The following HNRNPC variants were observed in gnomAD, a reference collection of about 807,000 sequenced individuals.
The protein encoded by HNRNPC is heterogeneous nuclear ribonucleoproteins C1/C2.
HNRNPC carries 3 observed loss-of-function variants against 33.2 expected under a neutral mutation model. The observed-to-expected ratio is 0.09, with a 90% CI of 0.04 to 0.23. The LOEUF (loss-of-function observed/expected upper bound fraction) is 0.23, where lower values mean the gene tolerates loss of function less well. Among genes scored for constraint, HNRNPC ranks in the 10% least tolerant of loss-of-function variants. The pLI, the probability that HNRNPC is intolerant of heterozygous loss-of-function variation, is 1.00. For missense variants in HNRNPC, 143 were observed against 366.7 expected (o/e 0.39, Z 4.98); for synonymous variants, 121 against 126.7 (o/e 0.96, Z 0.30).
intron 3 of HNRNPC, among the ~76,000 whole-genome samples, chr14:21,233,593 C>A (rs865829811): frequency 1.3e-5 from 2 of 152,202 alleles, no homozygotes; most frequent in Admixed American, 6.5e-5. Flanking sequence ...GTCGGCCCAA[C>A]GGATGGAGTG....
At chr14:21,235,792 T>G (rs1407946899) in intron 2 of HNRNPC, among the ~76,000 whole-genome samples, 2 of 152,172 alleles carry the variant, frequency 1.3e-5, no homozygotes, top group Non-Finnish European at 2.9e-5. Context: ...AATCTGGTTT[T>G]AAGCAACTAT....
Position 21,211,825 on chromosome 14 carries a change from G to T in HNRNPC, c.622C>A (p.Gln208Lys). The change falls in exon 7 of 9, where the codon CAG (glutamine) becomes AAG (lysine). Residue 208 changes from glutamine to lysine, a missense_variant. This residue lies in a region of HNRNPC where 131 missense variants were observed against 253.0 expected (regional missense o/e 0.52). Transcript: ENST00000553300. Reference sequence around the variant, plus strand: ...ACCCATTTACCTGCTTGTTTGCTCTGTTCCTTTTCAATTTTTTCCAGGTTT... The same window carrying T: ...ACCCATTTACCTGCTTGTTTGCTCTTTTCCTTTTCAATTTTTTCCAGGTTT... ...LENLEKIEKE[Q>K]SKQAVEMKND... The T allele has an allele frequency of 6.2e-7, 1 of 1,612,218 alleles. No individual in the cohort carries two copies. Among genetic ancestry groups the T allele is most frequent in the Non-Finnish European group, 8.5e-7 (1 of 1,179,724 alleles).
chr14:21,234,739 G>C (rs1894488434), intron 2 of HNRNPC: 1 of 153,170 alleles, frequency 6.5e-6, no homozygotes, highest in Non-Finnish European at 1.5e-5. Flanking sequence ...CCATTCATTA[G>C]CTAGATTAAT....
chr14:21,225,563 A>G (rs1893328944), intron 5 of HNRNPC, among the ~76,000 whole-genome samples: 1 of 152,172 alleles, frequency 6.6e-6, no homozygotes, highest in Non-Finnish European at 1.5e-5. Flanking sequence ...AAAGGTGTCC[A>G]TCCTCAGGCG....
intron 1 of HNRNPC, among the ~76,000 whole-genome samples, chr14:21,266,754 G>A (rs1006162410): frequency 2.0e-5 from 3 of 151,138 alleles, no homozygotes; most frequent in African/African-American, 7.3e-5. Flanking sequence ...AGTACTTGAA[G>A]ACTGAAATAA....
chr14:21,241,915 A>G (rs1217328412), intron 2 of HNRNPC, among the ~76,000 whole-genome samples: 1 of 152,220 alleles, frequency 6.6e-6, no homozygotes, highest in Non-Finnish European at 1.5e-5. Flanking sequence ...GTTAACTGCT[A>G]TGTTTAAGTA....
intron 2 of HNRNPC, among the ~76,000 whole-genome samples, chr14:21,243,110 T>C (rs1195451072): frequency 1.3e-5 from 2 of 151,646 alleles, no homozygotes; most frequent in African/African-American, 4.8e-5. Flanking sequence ...AAAGGAGAGG[T>C]GGGGGGGTGG....
intron 5 of HNRNPC, among the ~76,000 whole-genome samples, chr14:21,217,244 C>G (rs911748716): frequency 6.6e-6 from 1 of 152,160 alleles, no homozygotes; most frequent in Non-Finnish European, 1.5e-5. Flanking sequence ...AATCAACCAG[C>G]AAAATTTTTG....
rs527798825 is a variant in HNRNPC at position 21,227,481 on chromosome 14, C to T, written c.365+2838G>A. ...TGACAATAACATGCAGCAATATATCCGACAGTAACTACTAGTATCGGCTGG... is the reference window on the plus strand; with the variant it reads ...TGACAATAACATGCAGCAATATATCTGACAGTAACTACTAGTATCGGCTGG... On this transcript the variant is annotated intron_variant, in intron 5 of 8. Transcript: ENST00000553300. Among the ~76,000 whole-genome samples the T allele has an allele frequency of 2.0e-3, 310 of 152,270 alleles. 4 individuals are homozygous for T. Among genetic ancestry groups the T allele is most frequent in the Non-Finnish European group, 2.7e-3 (185 of 68,034 alleles).
chr14:21,251,321 T>C (rs1034087368), intron 2 of HNRNPC, among the ~76,000 whole-genome samples: 1 of 147,420 alleles, frequency 6.8e-6, no homozygotes, highest in Non-Finnish European at 1.5e-5. Context: ...AAAGTTTCAA[T>C]TTTATCAGTG....
At chr14:21,257,892 C>G (rs1056603516) in intron 2 of HNRNPC, among the ~76,000 whole-genome samples, 1 of 152,148 alleles carries the variant, frequency 6.6e-6, no homozygotes, top group Non-Finnish European at 1.5e-5. Flanking sequence ...GCTTGCTTCC[C>G]TATTAACAAT....
intron 2 of HNRNPC, among the ~76,000 whole-genome samples, chr14:21,260,260 G>A (rs1361249530): frequency 2.7e-5 from 4 of 149,416 alleles, no homozygotes; most frequent in African/African-American, 5.0e-5. Context: ...CCAGGTACTC[G>A]GGAGGCTGAG....
chr14:21,212,040 G>A, intron 6 of HNRNPC, 117 bp from the exon 7 acceptor site: 1 of 760,774 alleles, frequency 1.3e-6, no homozygotes, highest in Non-Finnish European at 2.2e-6. Context: ...GAGAAACAGA[G>A]CCAGTACAGA....
chr14:21,260,064 G>A (rs1294955175), intron 2 of HNRNPC, among the ~76,000 whole-genome samples: 1 of 146,380 alleles, frequency 6.8e-6, no homozygotes, highest in Non-Finnish European at 1.5e-5. Flanking sequence ...GCCGGGCGTA[G>A]TGGCGGGCGC....
chr14:21,252,764 T>C (rs1896809277), intron 2 of HNRNPC, among the ~76,000 whole-genome samples: 1 of 151,616 alleles, frequency 6.6e-6, no homozygotes, highest in Admixed American at 6.6e-5. Context: ...GGGAAGGGGG[T>C]GGATGGGGAG....
intron 2 of HNRNPC, among the ~76,000 whole-genome samples, chr14:21,248,815 GT>G (rs1896290456): frequency 6.6e-6 from 1 of 152,152 alleles, no homozygotes; most frequent in Non-Finnish European, 1.5e-5. Context: ...TACATCAAAA[GT>G]TTTAAAACTG....
At chr14:21,240,084 CTG>C (rs371321447) in intron 2 of HNRNPC, among the ~76,000 whole-genome samples, 19 of 152,178 alleles carry the variant, frequency 1.2e-4, no homozygotes, top group African/African-American at 3.6e-4. Context: ...GCCCAAAAAT[CTG>C]TGTTTTTGTC....
chr14:21,219,108 CAAAA>C (rs555837563), intron 5 of HNRNPC, among the ~76,000 whole-genome samples: 2 of 96,388 alleles, frequency 2.1e-5, no homozygotes, highest in Non-Finnish European at 4.2e-5. Flanking sequence ...GACTCTTTCT[CAAAA>C]AAAAAAAAAA....
chr14:21,218,394 C>A (rs1406383251), intron 5 of HNRNPC, among the ~76,000 whole-genome samples: 1 of 152,008 alleles, frequency 6.6e-6, no homozygotes, highest in African/African-American at 2.4e-5. Flanking sequence ...TTTTAAAAAA[C>A]TAAAATTGAG....
Sources: allele counts gnomAD v4.1 joint callset (sites outside exome capture counted in the v4.1 genomes callset), GRCh38; gene constraint gnomAD v4.1.1; regional missense constraint gnomAD v4.1.1; transcripts MANE v1.5; gene names NCBI Gene and HGNC (gene_info 2026-07-23, HGNC 2026-07-21).